The following PHACTR3 variants were observed in gnomAD, a reference collection of about 807,000 sequenced individuals.
PHACTR3 encodes the protein phosphatase and actin regulator 3.
A neutral mutation model predicts 66.8 loss-of-function variants in PHACTR3; 16 were observed. The ratio of observed to expected loss-of-function variants is 0.24; its 90% CI spans 0.16 to 0.36. The LOEUF (loss-of-function observed/expected upper bound fraction) is 0.36. Among genes scored for constraint, PHACTR3 ranks in the 10% least tolerant of loss-of-function variants. PHACTR3 has a pLI of 1.00. For synonymous variants in PHACTR3, 323 were observed against 292.1 expected, an observed-to-expected ratio of 1.11 and a Z score of -1.08; for missense variants, 647 against 719.9, an observed-to-expected ratio of 0.90 and a Z score of 1.16.
intron 1 of PHACTR3, among the ~76,000 whole-genome samples, chr20:59,643,253 G>T (rs1295301832): frequency 6.6e-6 from 1 of 152,174 alleles, no homozygotes; most frequent in Non-Finnish European, 1.5e-5. Context: ...AGGTGAGAAG[G>T]TATCCTGCAC....
chr20:59,775,354 C>T (rs1381828238), intron 7 of PHACTR3, among the ~76,000 whole-genome samples: 7 of 152,150 alleles, frequency 4.6e-5, no homozygotes, highest in East Asian at 3.9e-4. Flanking sequence ...GTGACTGTTG[C>T]GGGCATGGGC....
chr20:59,591,601 T>A (rs6100514), intron 1 of PHACTR3, among the ~76,000 whole-genome samples: 1 of 152,038 alleles, frequency 6.6e-6, no homozygotes, highest in Admixed American at 6.5e-5. Context: ...GGATTCTGCC[T>A]TCTTTTTCCC....
intron 1 of PHACTR3, among the ~76,000 whole-genome samples, chr20:59,618,555 G>A (rs534636754): frequency 6.6e-6 from 1 of 152,328 alleles, no homozygotes; most frequent in South Asian, 2.1e-4. Context: ...AGGAAGATCT[G>A]TGCAGGAGAG....
chr20:59,778,475 C>T (rs574072211), intron 7 of PHACTR3, among the ~76,000 whole-genome samples: 3 of 152,216 alleles, frequency 2.0e-5, no homozygotes, highest in Non-Finnish European at 4.4e-5. Context: ...TTTAAAACAT[C>T]GCTCAGTGCA....
chr20:59,647,193 G>T (rs558951702), intron 1 of PHACTR3, among the ~76,000 whole-genome samples: 3 of 152,314 alleles, frequency 2.0e-5, no homozygotes, highest in Admixed American at 6.5e-5. Context: ...AGAAGCAAAG[G>T]CATGTCTTAC....
chr20:59,784,332 G>A (rs2185184), intron 7 of PHACTR3, among the ~76,000 whole-genome samples: 109,166 of 129,380 alleles, frequency 0.84, 44,580 homozygotes, highest in Non-Finnish European at 0.92. Context: ...ATATATATAT[G>A]TGTATATATA....
chr20:59,786,047 C>CTG (rs2040903235), intron 7 of PHACTR3, among the ~76,000 whole-genome samples: 1 of 152,242 alleles, frequency 6.6e-6, no homozygotes, highest in Non-Finnish European at 1.5e-5. Flanking sequence ...GTCAGAATAT[C>CTG]CTTCCCCTGT....
intron 4 of PHACTR3, among the ~76,000 whole-genome samples, chr20:59,766,486 A>G (rs1380566927): frequency 6.6e-6 from 1 of 152,176 alleles, no homozygotes; most frequent in Non-Finnish European, 1.5e-5. Context: ...AAGAAAGGGA[A>G]GGATTGATAG....
At chr20:59,818,104 G>A (rs534064837) in intron 8 of PHACTR3, among the ~76,000 whole-genome samples, 20 of 152,262 alleles carry the variant, frequency 1.3e-4, no homozygotes, top group Middle Eastern at 3.4e-3. Context: ...CCTTGTGTGC[G>A]GCCCTCTCAG....
At chr20:59,694,102 A>G (rs1395672765) in intron 1 of PHACTR3, among the ~76,000 whole-genome samples, 2 of 152,176 alleles carry the variant, frequency 1.3e-5, no homozygotes, top group African/African-American at 2.4e-5. Context: ...ATTTTATGTC[A>G]TATGTGACTC....
intron 1 of PHACTR3, among the ~76,000 whole-genome samples, chr20:59,649,119 A>T (rs1414186009): frequency 3.9e-5 from 6 of 152,082 alleles, no homozygotes; most frequent in Non-Finnish European, 7.4e-5. Context: ...AATTACTGAA[A>T]TTTTTTTCCA....
intron 1 of PHACTR3, among the ~76,000 whole-genome samples, chr20:59,637,125 G>A (rs1434109039): frequency 2.0e-5 from 3 of 152,234 alleles, no homozygotes; most frequent in African/African-American, 7.2e-5. Context: ...CTGCAGGTTT[G>A]TGGCTTTGTT....
upstream of PHACTR3, among the ~76,000 whole-genome samples, chr20:59,600,734 TTGGG>T (rs1413509324): frequency 6.6e-6 from 1 of 152,196 alleles, no homozygotes; most frequent in Non-Finnish European, 1.5e-5. Flanking sequence ...GGGAGCAGTG[TTGGG>T]TTATCGGGGC....
chr20:59,798,347 A>G (rs2041313947), intron 7 of PHACTR3, among the ~76,000 whole-genome samples: 1 of 152,232 alleles, frequency 6.6e-6, no homozygotes, highest in Admixed American at 6.5e-5. Flanking sequence ...TTGGAGATTA[A>G]GTTTCAACAT....
At chr20:59,777,976 T>C (rs1162661109) in intron 7 of PHACTR3, among the ~76,000 whole-genome samples, 1 of 152,172 alleles carries the variant, frequency 6.6e-6, no homozygotes, top group African/African-American at 2.4e-5. Flanking sequence ...ATCTGCGCCC[T>C]GTGCTGGGAC....
intron 1 of PHACTR3, among the ~76,000 whole-genome samples, chr20:59,618,460 G>C (rs569563875): frequency 1.3e-5 from 2 of 152,352 alleles, no homozygotes; most frequent in South Asian, 4.1e-4. Context: ...GACCAGGGAA[G>C]AGGGTGTGGC....
chr20:59,708,904 C>T (rs1387698918), intron 1 of PHACTR3, among the ~76,000 whole-genome samples: 2 of 152,212 alleles, frequency 1.3e-5, no homozygotes, highest in African/African-American at 4.8e-5. Flanking sequence ...CAGTGACATT[C>T]CCTTCTCTGG....
intron 1 of PHACTR3, among the ~76,000 whole-genome samples, chr20:59,725,503 G>A (rs956856117): frequency 6.6e-6 from 1 of 152,222 alleles, no homozygotes; most frequent in African/African-American, 2.4e-5. Flanking sequence ...CACCACACCT[G>A]GTTTTGCTCA....
Position 59,604,807 on chromosome 20 carries a change from G to C in PHACTR3, c.-208G>C. 1 of 1,207,652 alleles carries C rather than the reference G, an allele frequency of 8.3e-7. No homozygotes were observed. The highest frequency in any genetic ancestry group is 1.6e-5 in the African/African-American group (1 of 63,750). 74.8% of individuals were successfully genotyped at this position (1,207,652 alleles called of 1,614,324 possible). A position where few individuals can be genotyped will look rare whatever the true frequency, so the allele number is the denominator to read the frequency against. On this transcript the variant is annotated 5_prime_UTR_variant, in exon 1 of 13. Coordinates refer to ENST00000371015, the MANE Select transcript of PHACTR3 (RefSeq NM_080672.5). ...CGCCGGGATGCGCCTGGCTGCAGCC[G>C]GCGAGGCTATTGTCTCCCCGCCCTG...
Sources: gnomAD v4.1 joint callset for allele counts (sites outside exome capture counted in the v4.1 genomes callset) on GRCh38, gnomAD v4.1.1 for gene constraint, MANE v1.5 for transcripts, NCBI Gene and HGNC (gene_info 2026-07-23, HGNC 2026-07-21) for gene names.